Variants in PTCH1 observed in about 807,000 individuals in gnomAD.
The protein encoded by PTCH1 is protein patched homolog 1.
In PTCH1, 14 loss-of-function variants were observed where a neutral mutation model predicts 144.6. The observed-to-expected ratio is 0.10, with a 90% CI of 0.06 to 0.15. PTCH1 has a LOEUF of 0.15. Ranked by LOEUF, PTCH1 falls within the 10% of genes least tolerant of loss-of-function variation. PTCH1 has a pLI of 1.00. For missense variants in PTCH1, 1,623 were observed against 1,948.3 expected (o/e 0.83, Z 3.14); for synonymous variants, 833 against 793.6 (o/e 1.05, Z -0.83).
upstream of PTCH1, among the ~76,000 whole-genome samples, chr9:95,513,642 A>G (rs1311108045): frequency 1.3e-5 from 2 of 151,680 alleles, no homozygotes; most frequent in South Asian, 4.2e-4. Flanking sequence ...ATGCCTTACT[A>G]TTTTCTCATT....
intron 12 of PTCH1, among the ~76,000 whole-genome samples, chr9:95,470,716 G>A (rs1185121660): frequency 6.6e-6 from 1 of 152,138 alleles, no homozygotes; most frequent in Non-Finnish European, 1.5e-5. Flanking sequence ...ACGGCAGAAG[G>A]GGCACCACAG....
chr9:95,488,518 C>A (rs1477192562), intron 2 of PTCH1, among the ~76,000 whole-genome samples: 1 of 144,246 alleles, frequency 6.9e-6, no homozygotes, highest in African/African-American at 2.6e-5. Flanking sequence ...GAATGTTTTG[C>A]AAAATGATTC....
Position 95,446,276 on chromosome 9 carries a change from C to T in PTCH1, c.*117G>A. The T allele has an allele frequency of 2.1e-6, 1 of 479,422 alleles. No individual in the cohort carries two copies. The highest frequency in any genetic ancestry group is 4.2e-6 in the Non-Finnish European group (1 of 239,794). The allele number at this position is 479,422 out of a possible 1,614,324, so 29.7% of individuals were successfully genotyped here. On this transcript the variant is annotated 3_prime_UTR_variant, in exon 24 of 24. Transcript: ENST00000331920. Reference sequence around the variant, plus strand: ...GGTTACAGTAACAATGAACTGCTGTCCTGGCACAGGGCATCTTTTCCATAA... The same window carrying T: ...GGTTACAGTAACAATGAACTGCTGTTCTGGCACAGGGCATCTTTTCCATAA...
At chr9:95,481,743 C>T (rs757115118) in intron 5 of PTCH1, 4 of 597,642 alleles carry the variant, frequency 6.7e-6, no homozygotes, top group South Asian at 2.1e-5. Flanking sequence ...AATTTAATGA[C>T]GCCTACAGAA....
chr9:95,458,262 C>G lies in PTCH1; in HGVS notation c.2919G>C (p.Gln973His). 6.2e-7 allele frequency: 1 copy of G among 1,614,000 alleles called. No individual in the cohort carries two copies. Among genetic ancestry groups the G allele is most frequent in the Non-Finnish European group, 8.5e-7 (1 of 1,180,028 alleles). ...GCAAGCCGTTGAGGTAGAAAGGGAA[C>G]TGGGCATACTCGATGGGCTCTGCTG... ...IPAAEPIEYA[Q>H]FPFYLNGLRD... Residue 973 changes from glutamine to histidine, a missense_variant, in exon 18 of 24, where the codon CAG (glutamine) becomes CAC (histidine). Gln to His is a conservative substitution (Grantham distance 24). This residue lies in a region of PTCH1 where 504 missense variants were observed against 679.3 expected (regional missense o/e 0.74). Coordinates refer to ENST00000331920, the MANE Select transcript of PTCH1 (RefSeq NM_000264.5). This position sits in a 1 kb window ranked among gnomAD's most constrained non-coding sequence, Gnocchi z 4.7.
At chr9:95,474,887 A>C (rs1197335740) in intron 12 of PTCH1, among the ~76,000 whole-genome samples, 1 of 152,192 alleles carries the variant, frequency 6.6e-6, no homozygotes, top group Non-Finnish European at 1.5e-5. Context: ...TGTGCCGGGC[A>C]TCCTAACAAC....
intron 2 of PTCH1, among the ~76,000 whole-genome samples, chr9:95,491,045 T>A (rs1254267475): frequency 6.6e-6 from 1 of 152,208 alleles, no homozygotes; most frequent in African/African-American, 2.4e-5. Context: ...ATCATATGCA[T>A]CTTCATCATA....
intron 22 of PTCH1, 98 bp downstream of exon 22, chr9:95,448,971 T>C: frequency 6.6e-7 from 1 of 1,523,376 alleles, no homozygotes; most frequent in South Asian, 1.2e-5. Flanking sequence ...CATCTGCCTG[T>C]GTGATGTGCT....
intron 15 of PTCH1, among the ~76,000 whole-genome samples, chr9:95,465,224 C>T (rs964243380): frequency 1.3e-5 from 2 of 152,326 alleles, no homozygotes; most frequent in Admixed American, 1.3e-4. Flanking sequence ...CAATCCCTGC[C>T]TAACATGCCA....
In PTCH1 at chr9:95,449,808, C is replaced by G. The variant is rs745360796; in HGVS notation, c.3549+33G>C. The G allele has an allele frequency of 1.3e-6, 2 of 1,564,738 alleles. No homozygotes were observed. The highest frequency in any genetic ancestry group is 2.7e-5 in the African/African-American group (2 of 73,758). On this transcript the variant is annotated intron_variant, in intron 21 of 23. Coordinates refer to ENST00000331920, the MANE Select transcript of PTCH1 (RefSeq NM_000264.5). The surrounding 1 kb of genome is among the most constrained non-coding windows in gnomAD (Gnocchi z 5.3). ...ACAGGAAACACAGCATTCAGCCGGC[C>G]TACACGTGGGACATCCCCGTGTCAC...
rs1435413606 is a variant in PTCH1, at chr9:95,476,174, A to G, written c.1603-15T>C. ...CCGGTCCTGTCCTGGGAATAAAAAA[A>G]CACAGCGCTGAGAGCTGCACTGGAC... On this transcript the variant is annotated splice_polypyrimidine_tract_variant and intron_variant, in intron 11 of 23. Coordinates refer to ENST00000331920, the MANE Select transcript of PTCH1 (RefSeq NM_000264.5). The surrounding 1 kb of genome is among the most constrained non-coding windows in gnomAD (Gnocchi z 4.6). 1.9e-6 allele frequency: 3 copies of G among 1,608,294 alleles called. No homozygotes were observed. The African/African-American group carries it at 4.0e-5, about 21-fold the overall frequency.
intron 5 of PTCH1, among the ~76,000 whole-genome samples, chr9:95,481,632 G>A (rs1198142348): frequency 2.0e-5 from 3 of 152,148 alleles, no homozygotes; most frequent in African/African-American, 7.2e-5. Context: ...TAAATGCCTC[G>A]TCTTCGAAAC....
At chr9:95,508,093 G>A (rs948631402) in intron 1 of PTCH1, 68 bp downstream of exon 1, 3 of 1,594,766 alleles carry the variant, frequency 1.9e-6, no homozygotes, top group Non-Finnish European at 2.6e-6. Flanking sequence ...GTGTTTGTGT[G>A]TGGCGGGGGC....
chr9:95,513,667 A>G (rs563130979), upstream of PTCH1, among the ~76,000 whole-genome samples: 1 of 152,194 alleles, frequency 6.6e-6, no homozygotes, highest in South Asian at 2.1e-4. Flanking sequence ...GCTTTTGTAT[A>G]TTCTTAAAAG....
chr9:95,449,572 T>G lies in PTCH1; in HGVS notation c.3550-249A>C. 1 of 633,896 alleles carries G rather than the reference T, an allele frequency of 1.6e-6. No individual in the cohort carries two copies. The highest frequency in any genetic ancestry group is 2.7e-6 in the Non-Finnish European group (1 of 364,898). 39.3% of individuals were successfully genotyped at this position (633,896 alleles called of 1,614,324 possible). On this transcript the variant is annotated intron_variant, in intron 21 of 23. Coordinates refer to ENST00000331920, the MANE Select transcript of PTCH1 (RefSeq NM_000264.5). This position sits in a 1 kb window ranked among gnomAD's most constrained non-coding sequence, Gnocchi z 5.3. Reference sequence around the variant, plus strand: ...TACTTTTTACTCTTGTGAAGTCCAATTATGCATCTCAAGGGGAAAGTCTTC... The same window carrying G: ...TACTTTTTACTCTTGTGAAGTCCAAGTATGCATCTCAAGGGGAAAGTCTTC...
At chr9:95,463,314 T>TG (rs943159400) in intron 15 of PTCH1, among the ~76,000 whole-genome samples, 8 of 151,296 alleles carry the variant, frequency 5.3e-5, no homozygotes. Flanking sequence ...AGGAACAATT[T>TG]GGGGATGACA....
Position 95,444,670 on chromosome 9 carries a change from C to T in PTCH1, c.*1723G>A, listed in dbSNP as rs1837737259. The T allele has an allele frequency of 6.6e-6, 1 of 152,288 alleles. No individual in the cohort carries two copies. The highest frequency in any genetic ancestry group is 1.5e-5 in the Non-Finnish European group (1 of 68,128). The allele number at this position is 152,288 out of a possible 1,614,324, so 9.4% of individuals were successfully genotyped here. A position where few individuals can be genotyped will look rare whatever the true frequency, so the allele number is the denominator to read the frequency against. On this transcript the variant is annotated 3_prime_UTR_variant, in exon 24 of 24. Transcript: ENST00000331920. ...TCCCAGGTAATTTAAAAGGGAGTAA[C>T]AGGAGCTGCCACTCGTGAGCGCCTC...
intron 9 of PTCH1, 120 bp from the exon 10 acceptor site, chr9:95,477,822 A>C: frequency 4.7e-6 from 7 of 1,489,274 alleles, no homozygotes; most frequent in Non-Finnish European, 6.4e-6. Context: ...AACAACAACA[A>C]AACTTTACAT....
intron 23 of PTCH1, 128 bp downstream of exon 23, chr9:95,446,783 A>G: frequency 8.1e-7 from 1 of 1,242,088 alleles, no homozygotes; most frequent in Non-Finnish European, 1.2e-6. Flanking sequence ...ATAAAAGGTC[A>G]CTGGGGTCCA....
Sources: gnomAD v4.1 joint callset for allele counts (sites outside exome capture counted in the v4.1 genomes callset) on GRCh38, gnomAD v4.1.1 for gene constraint, gnomAD v4.1.1 regional missense constraint, Gnocchi (gnomAD v3.1) non-coding constraint, MANE v1.5 for transcripts, NCBI Gene and HGNC (gene_info 2026-07-23, HGNC 2026-07-21) for gene names.